The following BLCAP variants were observed in gnomAD, a reference collection of about 807,000 sequenced individuals.
The protein encoded by BLCAP is apoptosis inducing factor BLCAP.
A neutral mutation model predicts 5.7 loss-of-function variants in BLCAP; 1 was observed. The ratio of observed to expected loss-of-function variants is 0.18; its 90% confidence interval spans 0.06 to 0.83. BLCAP has a LOEUF of 0.83. Among genes scored for constraint, BLCAP ranks in the 40% least tolerant of loss-of-function variants. The pLI is 0.71. For missense variants in BLCAP, 66 were observed against 107.6 expected (o/e 0.61, Z 1.71); for synonymous variants, 48 against 49.4 (o/e 0.97, Z 0.11).
chr20:37,522,551 A>C (rs2071621220), intron 1 of BLCAP: 1 of 1,043,716 alleles, frequency 9.6e-7, no homozygotes, highest in Non-Finnish European at 1.3e-6. Context: ...CCGCCTCTCC[A>C]GCCTACGCTG....
At position 37,521,149 on chromosome 20, in the gene BLCAP, G is replaced by T; in HGVS notation, c.-176-1799C>A. On this transcript the variant is annotated intron_variant, in intron 1 of 1. Transcript: ENST00000373537. The surrounding 1 kb of genome is among the most constrained non-coding windows in gnomAD (Gnocchi z 4.5). ...ATTTTTTTCCTCTCCTGGCGAATGA[G>T]GAGCGCCCCCAGCCACCCCTCCTCA... 1.5e-6 allele frequency: 1 copy of T among 668,722 alleles called. No individual in the cohort carries two copies. The highest frequency in any genetic ancestry group is 2.7e-6 in the Non-Finnish European group (1 of 372,462). 41.4% of individuals were successfully genotyped at this position (668,722 alleles called of 1,614,324 possible). A position where few individuals can be genotyped will look rare whatever the true frequency, so the allele number is the denominator to read the frequency against.
At position 37,519,284 on chromosome 20, in the gene BLCAP, A is replaced by G. The variant is rs1289102640; in HGVS notation, c.-110T>C. 4.5e-6 allele frequency: 6 copies of G among 1,327,888 alleles called. No individual in the cohort carries two copies. In the East Asian group the frequency reaches 1.5e-4, roughly 34 times the overall value. 82.3% of individuals were successfully genotyped at this position (1,327,888 alleles called of 1,614,324 possible). Reference sequence around the variant, plus strand: ...CTGCCCTCCGCTTTCTTCAACCCTCACTCTCCAGGAGCTGAGCCGCTGTGC... The same window carrying G: ...CTGCCCTCCGCTTTCTTCAACCCTCGCTCTCCAGGAGCTGAGCCGCTGTGC... On this transcript the variant is annotated 5_prime_UTR_variant, in exon 2 of 2. Coordinates refer to ENST00000373537, the MANE Select transcript of BLCAP (RefSeq NM_006698.4).
At position 37,521,560 on chromosome 20, in the gene BLCAP, G is replaced by A. The variant is rs2071575274; in HGVS notation, c.-176-2210C>T. 2.1e-5 allele frequency: 15 copies of A among 728,488 alleles called. No homozygotes were observed. Among genetic ancestry groups the A allele is most frequent in the Non-Finnish European group, 2.8e-5 (12 of 428,566 alleles). The allele number at this position is 728,488 out of a possible 1,614,324, so 45.1% of individuals were successfully genotyped here. ...CCGCTGCCGGCACCGCGCGCCCCCT[G>A]CCCATTCCCTGCGCCGTCCTCCTCG... On this transcript the variant is annotated intron_variant, in intron 1 of 1. Transcript: ENST00000373537. The surrounding 1 kb of genome is among the most constrained non-coding windows in gnomAD (Gnocchi z 4.5).
At chr20:37,523,016 G>A (rs1033791433) in intron 1 of BLCAP, 2 of 451,728 alleles carry the variant, frequency 4.4e-6, no homozygotes, top group Non-Finnish European at 7.9e-6. Flanking sequence ...GGGATAGGGG[G>A]AGCAGACCCC....
At position 37,518,594 on chromosome 20, in the gene BLCAP, T is replaced by C; in HGVS notation, c.*317A>G. On this transcript the variant is annotated 3_prime_UTR_variant, in exon 2 of 2. Transcript: ENST00000373537. Reference sequence around the variant, plus strand: ...GCATTTTATCTGCCCCAGGTCACATTGGGGCAGCTGACCAGGATGGACCCA... The same window carrying C: ...GCATTTTATCTGCCCCAGGTCACATCGGGGCAGCTGACCAGGATGGACCCA... 1 of 302,002 alleles carries C rather than the reference T, an allele frequency of 3.3e-6. No individual in the cohort carries two copies. Among genetic ancestry groups the C allele is most frequent in the Admixed American group, 4.8e-5 (1 of 20,970 alleles). The allele number at this position is 302,002 out of a possible 1,614,324, so 18.7% of individuals were successfully genotyped here.
intron 1 of BLCAP, chr20:37,522,449 G>T (rs752215276): frequency 2.5e-5 from 40 of 1,612,046 alleles, no homozygotes; most frequent in Non-Finnish European, 3.1e-5. Flanking sequence ...GTATACCTAA[G>T]TTGTGGGTCC....
chr20:37,525,832 C>G (rs2071709243), intron 1 of BLCAP, among the ~76,000 whole-genome samples: 1 of 152,208 alleles, frequency 6.6e-6, no homozygotes, highest in African/African-American at 2.4e-5. Context: ...TCCCCTTTGC[C>G]TAAACCATCA....
At position 37,521,529 on chromosome 20, in the gene BLCAP, C is replaced by A; in HGVS notation, c.-176-2179G>T. The stretch of plus-strand genomic sequence containing the variant: ...CCGATTGCCGCGATCCTTGCCTGCC[C>A]AAGTGCCGCTGCCGGCACCGCGCGC... On this transcript the variant is annotated intron_variant, in intron 1 of 1. Transcript: ENST00000373537. This position sits in a 1 kb window ranked among gnomAD's most constrained non-coding sequence, Gnocchi z 4.5. The A allele has an allele frequency of 1.0e-6, 1 of 973,688 alleles. No homozygotes were observed. The highest frequency in any genetic ancestry group is 1.6e-6 in the Non-Finnish European group (1 of 627,074). The allele number at this position is 973,688 out of a possible 1,614,324, so 60.3% of individuals were successfully genotyped here.
intron 1 of BLCAP, chr20:37,527,168 G>C (rs1239009408): frequency 6.6e-6 from 1 of 152,160 alleles, no homozygotes; most frequent in Non-Finnish European, 1.5e-5. Flanking sequence ...CAGGCATTCC[G>C]TTCCTTCAGC....
rs1446997048 is a variant in BLCAP, at chr20:37,519,316, G to C, written c.-142C>G. Reference sequence around the variant, plus strand: ...AGGAGCTGAGCCGCTGTGCTCTCTGGCTGTCAGCCCGGGATCACCAAGGCA... The same window carrying C: ...AGGAGCTGAGCCGCTGTGCTCTCTGCCTGTCAGCCCGGGATCACCAAGGCA... On this transcript the variant is annotated 5_prime_UTR_variant, in exon 2 of 2. Transcript: ENST00000373537. The C allele has an allele frequency of 1.0e-6, 1 of 994,628 alleles. No homozygotes were observed. Among genetic ancestry groups the C allele is most frequent in the East Asian group, 2.9e-5 (1 of 34,816 alleles). The allele number at this position is 994,628 out of a possible 1,614,324, so 61.6% of individuals were successfully genotyped here. A position where few individuals can be genotyped will look rare whatever the true frequency, so the allele number is the denominator to read the frequency against.
chr20:37,519,416 A>AC lies in BLCAP; in HGVS notation c.-176-67_-176-66insG, dbSNP rs2071484323. The AC allele has an allele frequency of 1.1e-5, 3 of 285,458 alleles. No individual in the cohort carries two copies. The South Asian group carries it at 4.3e-4, about 41-fold the overall frequency. 17.7% of individuals were successfully genotyped at this position (285,458 alleles called of 1,614,324 possible). On this transcript the variant is annotated intron_variant, in intron 1 of 1. Coordinates refer to ENST00000373537, the MANE Select transcript of BLCAP (RefSeq NM_006698.4). ...ACAGACAGACAGACAAAAAAAAAAA[A>AC]AAAAAAAGAAAAAAAAAAAAAAAAC...
At position 37,521,415 on chromosome 20, in the gene BLCAP, G is replaced by A. The variant is rs1271494831; in HGVS notation, c.-176-2065C>T. ...GCGTGCTGCTGCAGGTAAGTCTGAC[G>A]GGGTTTCGGGTGGGAGAGGGTTCCC... On this transcript the variant is annotated intron_variant, in intron 1 of 1. Transcript: ENST00000373537. The surrounding 1 kb of genome is among the most constrained non-coding windows in gnomAD (Gnocchi z 4.5). The A allele has an allele frequency of 3.7e-6, 6 of 1,613,918 alleles. No homozygotes were observed. Among genetic ancestry groups the A allele is most frequent in the East Asian group, 2.2e-5 (1 of 44,864 alleles).
At position 37,521,550 on chromosome 20, in the gene BLCAP, C is replaced by T; in HGVS notation, c.-176-2200G>A. On this transcript the variant is annotated intron_variant, in intron 1 of 1. Transcript: ENST00000373537. This position sits in a 1 kb window ranked among gnomAD's most constrained non-coding sequence, Gnocchi z 4.5. ...TGCCCAAGTGCCGCTGCCGGCACCG[C>T]GCGCCCCCTGCCCATTCCCTGCGCC... The T allele has an allele frequency of 6.4e-6, 5 of 783,484 alleles. No homozygotes were observed. The highest frequency in any genetic ancestry group is 5.4e-5 in the East Asian group (2 of 36,994). The allele number at this position is 783,484 out of a possible 1,614,324, so 48.5% of individuals were successfully genotyped here.
rs73621694 is a variant in BLCAP, at chr20:37,521,180, AC to A, written c.-176-1831del. The A allele has an allele frequency of 1.5e-5, 11 of 736,602 alleles. 1 individual carries two copies. Among genetic ancestry groups the A allele is most frequent in the East Asian group, 5.0e-5 (2 of 39,672 alleles). The allele number at this position is 736,602 out of a possible 1,614,324, so 45.6% of individuals were successfully genotyped here. On this transcript the variant is annotated intron_variant, in intron 1 of 1. Transcript: ENST00000373537. The surrounding 1 kb of genome is among the most constrained non-coding windows in gnomAD (Gnocchi z 4.5). ...CCCCCAGCCACCCCTCCTCATAAAC[AC>A]CCCCCAAGGCGCGCATGCGCACTTA...
intron 1 of BLCAP, chr20:37,522,508 C>T (rs1031730423): frequency 1.3e-6 from 2 of 1,508,190 alleles, no homozygotes; most frequent in African/African-American, 2.8e-5. Flanking sequence ...AAAGCTCCAG[C>T]TGCCCTGACT....
intron 1 of BLCAP, chr20:37,522,598 G>GGGGCGC: frequency 1.2e-6 from 1 of 864,472 alleles, no homozygotes; most frequent in Non-Finnish European, 1.7e-6. Flanking sequence ...GCGGGGGTGG[G>GGGGCGC]CACGGCAGCA....
chr20:37,519,216 C>A lies in BLCAP; in HGVS notation c.-42G>T. On this transcript the variant is annotated 5_prime_UTR_variant, in exon 2 of 2. Transcript: ENST00000373537. The stretch of plus-strand genomic sequence containing the variant: ...GGCCTTCACCAAGGCTGCCGGGCAC[C>A]GCTGCAGGAACCGACCTAATGGGAG... The A allele has an allele frequency of 6.5e-7, 1 of 1,537,908 alleles. No individual in the cohort carries two copies. The highest frequency in any genetic ancestry group is 8.8e-7 in the Non-Finnish European group (1 of 1,139,576).
At position 37,519,282 on chromosome 20, in the gene BLCAP, T is replaced by G. The variant is rs892459815; in HGVS notation, c.-108A>C. On this transcript the variant is annotated 5_prime_UTR_variant, in exon 2 of 2. Coordinates refer to ENST00000373537, the MANE Select transcript of BLCAP (RefSeq NM_006698.4). ...GGCTGCCCTCCGCTTTCTTCAACCCTCACTCTCCAGGAGCTGAGCCGCTGT... is the reference window on the plus strand; with the variant it reads ...GGCTGCCCTCCGCTTTCTTCAACCCGCACTCTCCAGGAGCTGAGCCGCTGT... The G allele has an allele frequency of 4.4e-6, 6 of 1,351,350 alleles. No homozygotes were observed. Among genetic ancestry groups the G allele is most frequent in the Non-Finnish European group, 6.0e-6 (6 of 1,004,778 alleles). The allele number at this position is 1,351,350 out of a possible 1,614,324, so 83.7% of individuals were successfully genotyped here.
chr20:37,522,469 G>C, intron 1 of BLCAP: 1 of 1,591,800 alleles, frequency 6.3e-7, no homozygotes, highest in African/African-American at 1.3e-5. Context: ...CAATCAGCTT[G>C]CCGCCATGCA....
Sources: allele counts gnomAD v4.1 joint callset (sites outside exome capture counted in the v4.1 genomes callset), GRCh38; gene constraint gnomAD v4.1.1; non-coding constraint Gnocchi (gnomAD v3.1); transcripts MANE v1.5; gene names NCBI Gene and HGNC (gene_info 2026-07-23, HGNC 2026-07-21).